Variants in CASC3 observed in about 807,000 individuals in gnomAD.
CASC3 encodes the protein protein CASC3.
A neutral mutation model predicts 80.5 loss-of-function variants in CASC3; 30 were observed. That is an observed-to-expected ratio of 0.37 (90% CI 0.28 to 0.51). CASC3 has a LOEUF of 0.51. Ranked by LOEUF, CASC3 falls within the 20% of genes least tolerant of loss-of-function variation. The pLI, the probability that CASC3 is intolerant of heterozygous loss-of-function variation, is 0.94. For missense variants in CASC3, 824 were observed against 922.2 expected (o/e 0.89, Z 1.38); for synonymous variants, 312 against 333.6 (o/e 0.94, Z 0.70).
Position 40,170,437 on chromosome 17 carries a change from C to T in CASC3, c.*42-10C>T. On this transcript the variant is annotated splice_polypyrimidine_tract_variant and intron_variant, in intron 13 of 13. Coordinates refer to ENST00000264645, the MANE Select transcript of CASC3 (RefSeq NM_007359.5). ...TTTGGTGGTTCTTCCCTTTTTCCAACCCCTGTCAGAGCAGCAGAGGTGAGA... is the reference window on the plus strand; with the variant it reads ...TTTGGTGGTTCTTCCCTTTTTCCAATCCCTGTCAGAGCAGCAGAGGTGAGA... The T allele has an allele frequency of 4.1e-6, 4 of 985,600 alleles. No individual in the cohort carries two copies. Among genetic ancestry groups the T allele is most frequent in the Non-Finnish European group, 4.8e-6 (4 of 829,970 alleles). 61.1% of individuals were successfully genotyped at this position (985,600 alleles called of 1,614,324 possible). A position where few individuals can be genotyped will look rare whatever the true frequency, so the allele number is the denominator to read the frequency against.
At chr17:40,148,950 T>A in intron 3 of CASC3, among the ~76,000 whole-genome samples, 1 of 152,172 alleles carries the variant, frequency 6.6e-6, no homozygotes, top group Non-Finnish European at 1.5e-5. Context: ...CAGGCTGGAG[T>A]GCAGTGGCTT....
intron 3 of CASC3, among the ~76,000 whole-genome samples, chr17:40,155,252 A>G (rs1403842503): frequency 6.9e-6 from 1 of 145,978 alleles, no homozygotes; most frequent in East Asian, 2.1e-4. Context: ...GTAAGGTTTT[A>G]TTTTGTTTTG....
At chr17:40,145,200 T>C (rs112316394) in intron 3 of CASC3, among the ~76,000 whole-genome samples, 49 of 139,688 alleles carry the variant, frequency 3.5e-4, no homozygotes, top group African/African-American at 1.3e-3. Context: ...TAAGACGGAG[T>C]CTCATTCCGT....
intron 3 of CASC3, among the ~76,000 whole-genome samples, chr17:40,148,506 G>T (rs778234133): frequency 6.6e-6 from 1 of 151,884 alleles, no homozygotes; most frequent in Non-Finnish European, 1.5e-5. Context: ...CTGGGACCTC[G>T]TGTGTCACCG....
chr17:40,154,773 C>T (rs1183356961), intron 3 of CASC3, among the ~76,000 whole-genome samples: 1 of 152,140 alleles, frequency 6.6e-6, no homozygotes, highest in Admixed American at 6.6e-5. Flanking sequence ...AACTGAGAGT[C>T]ATGAGTATTT....
chr17:40,169,198 G>A lies in CASC3; in HGVS notation c.1966-126G>A, dbSNP rs1989528423. The A allele has an allele frequency of 4.1e-6, 4 of 965,254 alleles. No individual in the cohort carries two copies. The South Asian group carries it at 1.0e-4, about 25-fold the overall frequency. The allele number at this position is 965,254 out of a possible 1,614,324, so 59.8% of individuals were successfully genotyped here. Reference sequence around the variant, plus strand: ...ATAGTCACTTTATTTTGAAGGGTGGGCAGATTAGATATTTTTAAAATTATA... The same window carrying A: ...ATAGTCACTTTATTTTGAAGGGTGGACAGATTAGATATTTTTAAAATTATA... On this transcript the variant is annotated intron_variant, in intron 11 of 13. Coordinates refer to ENST00000264645, the MANE Select transcript of CASC3 (RefSeq NM_007359.5).
Position 40,164,604 on chromosome 17 carries a change from G to C in CASC3, c.1471+438G>C, listed in dbSNP as rs552221073. ...TGGGAGTATAGGCGTGCACTACCACGCTGGGCTAATTTTTGTATTTTTAGT... is the reference window on the plus strand; with the variant it reads ...TGGGAGTATAGGCGTGCACTACCACCCTGGGCTAATTTTTGTATTTTTAGT... On this transcript the variant is annotated intron_variant, in intron 7 of 13. Coordinates refer to ENST00000264645, the MANE Select transcript of CASC3 (RefSeq NM_007359.5). Among the ~76,000 whole-genome samples the C allele has an allele frequency of 6.0e-5, 9 of 149,298 alleles. No homozygotes were observed. In the East Asian group the frequency reaches 1.8e-3, roughly 30 times the overall value.
At chr17:40,146,331 C>T (rs1455809985) in intron 3 of CASC3, among the ~76,000 whole-genome samples, 3 of 152,052 alleles carry the variant, frequency 2.0e-5, no homozygotes, top group Admixed American at 2.0e-4. Flanking sequence ...TACATCCCAT[C>T]CTGGTAAACC....
intron 1 of CASC3, 21 bp downstream of exon 1, chr17:40,140,800 C>CGGGGT (rs1256699682): frequency 9.0e-6 from 1 of 111,176 alleles, no homozygotes; most frequent in Non-Finnish European, 1.2e-5. Context: ...GCAGGCGGGG[C>CGGGGT]GGGGTGGGGA....
intron 11 of CASC3, chr17:40,168,740 C>T (rs1479395466): frequency 9.5e-6 from 3 of 314,912 alleles, no homozygotes; most frequent in South Asian, 2.9e-5. Context: ...ACAGTGCCTG[C>T]CACCATGCCC....
At chr17:40,167,285 T>G (rs1329959414) in intron 8 of CASC3, 3 of 581,382 alleles carry the variant, frequency 5.2e-6, no homozygotes, top group Non-Finnish European at 9.1e-6. Context: ...TTCCATTGAT[T>G]ATGCATGTTT....
chr17:40,165,596 T>C (rs937965705), intron 7 of CASC3, among the ~76,000 whole-genome samples: 4 of 152,178 alleles, frequency 2.6e-5, no homozygotes, highest in Non-Finnish European at 4.4e-5. Flanking sequence ...AGGCAGAAAT[T>C]TATTCAGTTG....
chr17:40,164,778 C>T (rs1386686181), intron 7 of CASC3, among the ~76,000 whole-genome samples: 17 of 50,474 alleles, frequency 3.4e-4, no homozygotes, highest in African/African-American at 2.7e-3. Flanking sequence ...TTTTTTGTGA[C>T]AGAGACTTGC....
intron 3 of CASC3, among the ~76,000 whole-genome samples, chr17:40,152,417 G>A (rs1235138860): frequency 6.6e-6 from 1 of 152,004 alleles, no homozygotes; most frequent in Non-Finnish European, 1.5e-5. Flanking sequence ...TGCCTCCTGG[G>A]TTCAAGCGGT....
intron 3 of CASC3, among the ~76,000 whole-genome samples, chr17:40,145,500 CAGATAGAGA>C (rs1376648751): frequency 6.6e-6 from 1 of 151,782 alleles, no homozygotes; most frequent in African/African-American, 2.4e-5. Context: ...AGAAAAAGCC[CAGATAGAGA>C]AGATAGAGAG....
intron 3 of CASC3, among the ~76,000 whole-genome samples, chr17:40,159,546 T>G (rs921786397): frequency 4.0e-4 from 55 of 138,448 alleles, no homozygotes; most frequent in South Asian, 2.3e-3. Flanking sequence ...CATTGTGTGT[T>G]TTTTTTTTTT....
chr17:40,141,024 A>G, intron 1 of CASC3, 183 bp from the exon 2 acceptor site: 1 of 649,664 alleles, frequency 1.5e-6, no homozygotes, highest in Non-Finnish European at 2.7e-6. Context: ...TTTATTCAGA[A>G]GTCGGGGCTG....
At position 40,163,909 on chromosome 17, in the gene CASC3, C is replaced by G; in HGVS notation, c.1214C>G (p.Ser405Cys). 1 of 1,614,094 alleles carries G rather than the reference C, an allele frequency of 6.2e-7. No individual in the cohort carries two copies. Among genetic ancestry groups the G allele is most frequent in the Non-Finnish European group, 8.5e-7 (1 of 1,180,008 alleles). Residue 405 changes from serine (S) to cysteine (C), a missense_variant, in exon 7 of 14, where the codon TCC becomes TGC. Transcript: ENST00000264645. ...PDRPIEKKSY[S>C]RARRTRTKVG... is the part of the protein sequence containing the mutation. ...AGGCCCATTGAGAAGAAATCCTATT[C>G]CCGGGCAAGAAGAACTCGAACCAAA...
At chr17:40,147,227 C>T (rs990208255) in intron 3 of CASC3, among the ~76,000 whole-genome samples, 4 of 152,138 alleles carry the variant, frequency 2.6e-5, no homozygotes, top group Admixed American at 6.6e-5. Context: ...AGGAGCATGA[C>T]GATGGTGCCC....
Sources: allele counts gnomAD v4.1 joint callset (sites outside exome capture counted in the v4.1 genomes callset), GRCh38; gene constraint gnomAD v4.1.1; transcripts MANE v1.5; gene names NCBI Gene and HGNC (gene_info 2026-07-23, HGNC 2026-07-21).